ARSB: variants seen among roughly 807,000 people sequenced by gnomAD.
ARSB encodes arylsulfatase B.
Under a neutral mutation model 50.9 loss-of-function variants are expected in ARSB, and 41 were observed. That is an observed-to-expected ratio of 0.81 (90% confidence interval 0.63 to 1.04). ARSB has a LOEUF of 1.04. ARSB is among the 50% of genes least tolerant of loss of function. ARSB has a pLI of 0.00. For synonymous variants in ARSB, 269 were observed against 284.8 expected, an observed-to-expected ratio of 0.94 and a Z score of 0.56; for missense variants, 672 against 693.3, an observed-to-expected ratio of 0.97 and a Z score of 0.35.
At chr5:78,898,193 G>A (rs1041553213) in intron 4 of ARSB, among the ~76,000 whole-genome samples, 4 of 152,126 alleles carry the variant, frequency 2.6e-5, no homozygotes, top group Admixed American at 6.5e-5. Context: ...GCTTGAACCC[G>A]GGAGGCAAAG....
At chr5:78,972,747 T>C (rs1752511002) in intron 1 of ARSB, among the ~76,000 whole-genome samples, 1 of 152,176 alleles carries the variant, frequency 6.6e-6, no homozygotes, top group South Asian at 2.1e-4. Flanking sequence ...AGCTCATCCA[T>C]CACATGCAGA....
intron 6 of ARSB, among the ~76,000 whole-genome samples, chr5:78,786,260 C>T (rs1482123899): frequency 6.6e-6 from 1 of 152,306 alleles, no homozygotes; most frequent in South Asian, 2.1e-4. Context: ...TGTGGCCTTT[C>T]GTGTCTGGCT....
chr5:78,981,422 G>C (rs1012421504), intron 1 of ARSB, among the ~76,000 whole-genome samples: 4 of 152,214 alleles, frequency 2.6e-5, no homozygotes, highest in African/African-American at 9.6e-5. Context: ...ATAAAAGGCT[G>C]AATTAAGTAA....
At chr5:78,822,372 T>A (rs1744265024) in intron 6 of ARSB, among the ~76,000 whole-genome samples, 1 of 152,124 alleles carries the variant, frequency 6.6e-6, no homozygotes, top group Non-Finnish European at 1.5e-5. Context: ...CATAAAAACA[T>A]CCAACAATTA....
At position 78,780,652 on chromosome 5, in the gene ARSB, G is replaced by A. The variant is rs759008131; in HGVS notation, c.1347C>T (p.Tyr449=). The A allele has an allele frequency of 3.7e-6, 6 of 1,614,126 alleles. No individual in the cohort carries two copies. The highest frequency in any genetic ancestry group is 5.1e-6 in the Non-Finnish European group (6 of 1,180,000). The change falls in exon 8 of 8, where the codon TAC becomes TAT. Residue 449 remains tyrosine (Y), a synonymous_variant. Coordinates refer to ENST00000264914, the MANE Select transcript of ARSB (RefSeq NM_000046.5). ...TGTATTGAGACGGTGGAGGGAACCA[G>A]TAACCACAGCCTAGCAAAGAAAACA... ...KLLTGYPGCG[Y]WFPPPSQYNV...
At chr5:78,912,612 G>A (rs970515898) in intron 4 of ARSB, among the ~76,000 whole-genome samples, 1 of 152,182 alleles carries the variant, frequency 6.6e-6, no homozygotes, top group South Asian at 2.1e-4. Context: ...AATGCAGCAG[G>A]TGGGTCAGGA....
chr5:78,955,853 G>A (rs1266425249), intron 3 of ARSB, among the ~76,000 whole-genome samples: 1 of 152,210 alleles, frequency 6.6e-6, no homozygotes, highest in Non-Finnish European at 1.5e-5. Context: ...ACATCTGTTA[G>A]GATGGTGATA....
At chr5:78,849,173 T>A (rs2112032806) in intron 5 of ARSB, among the ~76,000 whole-genome samples, 1 of 152,214 alleles carries the variant, frequency 6.6e-6, no homozygotes, top group East Asian at 1.9e-4. Context: ...TGCCTAGGTT[T>A]TCTTCTCGGG....
chr5:78,802,123 T>C (rs1743417057), intron 6 of ARSB, among the ~76,000 whole-genome samples: 1 of 152,058 alleles, frequency 6.6e-6, no homozygotes, highest in South Asian at 2.1e-4. Flanking sequence ...GTGTTAGCTC[T>C]TTCCTCTACC....
intron 6 of ARSB, among the ~76,000 whole-genome samples, chr5:78,796,606 C>T (rs1743184781): frequency 6.6e-6 from 1 of 152,078 alleles, no homozygotes; most frequent in Admixed American, 6.5e-5. Context: ...CAGTGCCTGG[C>T]ATAGAGAAAA....
At chr5:78,948,589 T>C (rs1421813171) in intron 4 of ARSB, among the ~76,000 whole-genome samples, 6 of 152,164 alleles carry the variant, frequency 3.9e-5, no homozygotes, top group Non-Finnish European at 5.9e-5. Context: ...AGTAAGAACA[T>C]GGAAAGCAGA....
intron 6 of ARSB, chr5:78,817,069 C>A: frequency 1.0e-6 from 1 of 985,168 alleles, no homozygotes. Flanking sequence ...AATGCAGCAG[C>A]CCTCTGGGCC....
chr5:78,816,294 G>A (rs542050432), intron 6 of ARSB, among the ~76,000 whole-genome samples: 91 of 152,202 alleles, frequency 6.0e-4, no homozygotes, highest in Admixed American at 4.5e-3. Context: ...AAAAGAAGGT[G>A]CTCAACAAAG....
rs11440743 is a variant in ARSB, at chr5:78,913,121, C to CTT, written c.899-27296_899-27295dup. ...GCTTTTAAAATGTAGTTTTAATTCG[C>CTT]TTTTTTTTTTTTTTTCTTTTGTTGA... On this transcript the variant is annotated intron_variant, in intron 4 of 7. Coordinates refer to ENST00000264914, the MANE Select transcript of ARSB (RefSeq NM_000046.5). 2.7e-3 allele frequency among the ~76,000 whole-genome samples: 371 copies of CTT among 139,984 alleles called. 3 individuals carry two copies. Among genetic ancestry groups the CTT allele is most frequent in the East Asian group, 0.025 (117 of 4,768 alleles). 91.8% of individuals were successfully genotyped at this position (139,984 alleles called of 152,430 possible). A position where few individuals can be genotyped will look rare whatever the true frequency, so the allele number is the denominator to read the frequency against.
chr5:78,822,133 T>C (rs2112677054), intron 6 of ARSB, among the ~76,000 whole-genome samples: 2 of 152,358 alleles, frequency 1.3e-5, no homozygotes, highest in East Asian at 3.9e-4. Context: ...TATTTTATTG[T>C]AGAAAGAGAC....
chr5:78,929,458 T>C (rs2112383135), intron 4 of ARSB, among the ~76,000 whole-genome samples: 1 of 152,196 alleles, frequency 6.6e-6, no homozygotes. Flanking sequence ...TGCCTCACAC[T>C]GAATTAGAGA....
rs750600029 is a variant in ARSB, at chr5:78,916,098, G to A, written c.899-30271C>T. ...TCGGGATGAATATAATGTGGTAAGC[G>A]CGTATGACTTCCATAAAATCCAAAA... On this transcript the variant is annotated intron_variant, in intron 4 of 7. Transcript: ENST00000264914. Among the ~76,000 whole-genome samples, 30 of 152,142 alleles carry A rather than the reference G, an allele frequency of 2.0e-4. 1 individual carries two copies. The highest frequency in any genetic ancestry group is 6.8e-4 in the African/African-American group (28 of 41,420).
At chr5:78,853,089 G>A (rs557916611) in intron 5 of ARSB, among the ~76,000 whole-genome samples, 104 of 152,298 alleles carry the variant, frequency 6.8e-4, no homozygotes, top group African/African-American at 1.4e-3. Context: ...GCTTTGTTCC[G>A]TTGCTGGTGT....
intron 6 of ARSB, among the ~76,000 whole-genome samples, chr5:78,811,023 T>TAA (rs1743789136): frequency 6.6e-6 from 1 of 152,190 alleles, no homozygotes; most frequent in African/African-American, 2.4e-5. Context: ...TGAAAAAATG[T>TAA]CCAGAGCTGT....
Sources: gnomAD v4.1 joint callset for allele counts (sites outside exome capture counted in the v4.1 genomes callset) on GRCh38, gnomAD v4.1.1 for gene constraint, MANE v1.5 for transcripts, NCBI Gene and HGNC (gene_info 2026-07-23, HGNC 2026-07-21) for gene names.